The following SPNS3 variants were observed in gnomAD, a reference collection of about 807,000 sequenced individuals.
The protein encoded by SPNS3 is SPNS lysolipid transporter 3, sphingosine-1-phosphate (putative).
SPNS3 carries 51 observed loss-of-function variants against 54.4 expected under a neutral mutation model. That is an observed-to-expected ratio of 0.94 (90% CI 0.75 to 1.18). The LOEUF is 1.18. Among genes scored for constraint, SPNS3 ranks in the 50% most tolerant of loss-of-function variants. SPNS3 has a pLI of 0.00. For missense variants in SPNS3, 669 were observed against 677.4 expected (o/e 0.99, Z 0.14); for synonymous variants, 309 against 294.7 (o/e 1.05, Z -0.50).
intron 8 of SPNS3, among the ~76,000 whole-genome samples, chr17:4,459,459 C>G (rs990191303): frequency 6.6e-6 from 1 of 152,062 alleles, no homozygotes; most frequent in African/African-American, 2.4e-5. Flanking sequence ...TACATGTAAC[C>G]CCAGCACTTT....
intron 8 of SPNS3, among the ~76,000 whole-genome samples, chr17:4,464,089 A>C (rs978205965): frequency 2.0e-5 from 3 of 152,198 alleles, no homozygotes; most frequent in African/African-American, 7.2e-5. Flanking sequence ...GGGCCAAATC[A>C]TGCTGCTTGT....
At chr17:4,455,713 G>A (rs1262938347) in intron 8 of SPNS3, among the ~76,000 whole-genome samples, 1 of 152,144 alleles carries the variant, frequency 6.6e-6, no homozygotes, top group East Asian at 1.9e-4. Context: ...ACTCCATCTG[G>A]CATCCCCACC....
In SPNS3 at chr17:4,453,060, T is replaced by A; in HGVS notation, c.968T>A (p.Val323Asp). ...ACCATCATGACCGGCGTCATTGGGG[T>A]CATCTTGGGGGCAGAAGCTGCGAGG... The part of the protein sequence containing the change: ...ALTIMTGVIG[V>D]ILGAEAARRY... Residue 323 changes from valine to aspartate, a missense_variant, in exon 8 of 12, where the codon GTC (valine) becomes GAC (aspartate). By Grantham distance (152) the Val-to-Asp change is radical. Transcript: ENST00000355530. 1 of 1,613,844 alleles carries A rather than the reference T, an allele frequency of 6.2e-7. No individual in the cohort carries two copies. Among genetic ancestry groups the A allele is most frequent in the Non-Finnish European group, 8.5e-7 (1 of 1,179,878 alleles).
rs771229721 is a variant in SPNS3, at chr17:4,446,908, C to T, written c.567C>T (p.Tyr189=). The T allele has an allele frequency of 1.6e-5, 26 of 1,613,964 alleles. No homozygotes were observed. In the East Asian group the frequency reaches 4.0e-4, roughly 25 times the overall value. The change falls in exon 5 of 12, where the codon TAC becomes TAT. Residue 189 remains tyrosine, a synonymous_variant. Transcript: ENST00000355530. ...CCCTTTGTTGCAGTGGTCTGGGCTACGTGCTGGGGTCGGCTGTGACGATGC... is the reference window on the plus strand; with the variant it reads ...CCCTTTGTTGCAGTGGTCTGGGCTATGTGCTGGGGTCGGCTGTGACGATGC... ...IFIPVGSGLG[Y]VLGSAVTMLT...
chr17:4,444,220 C>CT (rs201580393), intron 2 of SPNS3, among the ~76,000 whole-genome samples: 16,065 of 146,156 alleles, frequency 0.11, 1,004 homozygotes, highest in African/African-American at 0.18. Flanking sequence ...TATGCTTATT[C>CT]TTTTTTTTTT....
At chr17:4,476,289 C>T (rs912619215) in intron 8 of SPNS3, among the ~76,000 whole-genome samples, 3 of 152,190 alleles carry the variant, frequency 2.0e-5, no homozygotes, top group South Asian at 2.1e-4. Flanking sequence ...CATCGTCGGG[C>T]GGCTTCTTCA....
intron 8 of SPNS3, among the ~76,000 whole-genome samples, chr17:4,471,253 A>C (rs1175565761): frequency 1.3e-5 from 2 of 151,718 alleles, no homozygotes; most frequent in Non-Finnish European, 1.5e-5. Context: ...TCATCCTTGT[A>C]GTGGCTTGAC....
At chr17:4,452,916 C>A (rs879351616) in intron 7 of SPNS3, 100 bp from the exon 8 acceptor site, 42 of 1,162,220 alleles carry the variant, frequency 3.6e-5, no homozygotes, top group Non-Finnish European at 4.8e-5. Context: ...CCAGATCATG[C>A]ACTTGAGCCG....
chr17:4,472,772 GCCTTTTTT>G, intron 8 of SPNS3, among the ~76,000 whole-genome samples: 1 of 122,474 alleles, frequency 8.2e-6, no homozygotes, highest in Non-Finnish European at 1.6e-5. Context: ...TTGCTTGGCA[GCCTTTTTT>G]TTTTTTTTTT....
At chr17:4,469,329 C>T (rs1247075233) in intron 8 of SPNS3, among the ~76,000 whole-genome samples, 7 of 149,920 alleles carry the variant, frequency 4.7e-5, no homozygotes, top group South Asian at 2.1e-4. Flanking sequence ...TTGAGTGATC[C>T]GCCTGCCTCG....
intron 8 of SPNS3, among the ~76,000 whole-genome samples, chr17:4,457,710 G>A (rs953252334): frequency 2.6e-5 from 4 of 151,962 alleles, no homozygotes; most frequent in African/African-American, 9.7e-5. Flanking sequence ...TCTGGGAGGT[G>A]CTCCTTGGCT....
intron 8 of SPNS3, among the ~76,000 whole-genome samples, chr17:4,455,634 C>T (rs1009077616): frequency 2.0e-5 from 3 of 151,868 alleles, no homozygotes; most frequent in Non-Finnish European, 4.4e-5. Context: ...TCCATCTGAG[C>T]CCTGTAGGAT....
chr17:4,478,907 G>A (rs1038439348), intron 9 of SPNS3, among the ~76,000 whole-genome samples: 9 of 152,278 alleles, frequency 5.9e-5, no homozygotes, highest in African/African-American at 9.6e-5. Context: ...AGCCAGGACC[G>A]GAACCTAGGC....
intron 7 of SPNS3, among the ~76,000 whole-genome samples, chr17:4,449,861 C>T (rs775393626): frequency 1.3e-5 from 2 of 152,102 alleles, no homozygotes; most frequent in Admixed American, 6.5e-5. Flanking sequence ...GGAGGGGAGG[C>T]GCGGGCACTC....
At chr17:4,450,839 C>T (rs1437253637) in intron 7 of SPNS3, among the ~76,000 whole-genome samples, 1 of 150,792 alleles carries the variant, frequency 6.6e-6, no homozygotes, top group African/African-American at 2.4e-5. Context: ...GACTCCTGAC[C>T]TCGAATGACT....
intron 8 of SPNS3, among the ~76,000 whole-genome samples, chr17:4,464,146 C>T (rs1210926575): frequency 6.6e-6 from 1 of 152,228 alleles, no homozygotes; most frequent in Non-Finnish European, 1.5e-5. Flanking sequence ...GGTCTGGGGC[C>T]TTCCCTGGGG....
chr17:4,456,221 G>A (rs1220036003), intron 8 of SPNS3, among the ~76,000 whole-genome samples: 2 of 152,100 alleles, frequency 1.3e-5, no homozygotes, highest in African/African-American at 4.8e-5. Context: ...CAAAGTGCTG[G>A]GATTACAGGC....
rs3744145 is a variant in SPNS3, at chr17:4,483,030, C to T, written c.1180-3198C>T. ...CTCAGCAGACGTCCCCACAGTTCCC[C>T]GGAGAGTTGTCACCTCTGCGTTCTC... On this transcript the variant is annotated intron_variant, in intron 9 of 11. Transcript: ENST00000355530. The surrounding 1 kb of genome is among the most constrained non-coding windows in gnomAD (Gnocchi z 4.2). 6.6e-5 allele frequency among the ~76,000 whole-genome samples: 10 copies of T among 152,316 alleles called. No individual in the cohort carries two copies. The East Asian group carries it at 1.2e-3, about 18-fold the overall frequency.
chr17:4,463,053 T>C (rs1016420102), intron 8 of SPNS3, among the ~76,000 whole-genome samples: 20 of 151,854 alleles, frequency 1.3e-4, no homozygotes, highest in Non-Finnish European at 2.5e-4. Flanking sequence ...TGTGTGCTGG[T>C]GTGTGCATGC....
Sources: allele counts gnomAD v4.1 joint callset (sites outside exome capture counted in the v4.1 genomes callset), GRCh38; gene constraint gnomAD v4.1.1; non-coding constraint Gnocchi (gnomAD v3.1); transcripts MANE v1.5; gene names NCBI Gene and HGNC (gene_info 2026-07-23, HGNC 2026-07-21).